LARGE1: variants seen among roughly 807,000 people sequenced by gnomAD.
The protein encoded by LARGE1 is LARGE xylosyl- and glucuronyltransferase 1.
LARGE1 carries 43 observed loss-of-function variants against 87.6 expected under a neutral mutation model. The observed-to-expected ratio is 0.49, with a 90% CI of 0.38 to 0.63. The LOEUF (loss-of-function observed/expected upper bound fraction) is 0.63, where lower values mean the gene tolerates loss of function less well. Among genes scored for constraint, LARGE1 ranks in the 30% least tolerant of loss-of-function variants. The probability of loss-of-function intolerance (pLI) is 0.00; values close to 1 mark genes in which losing one functional copy is unlikely to be tolerated. For missense variants in LARGE1, 802 were observed against 1,000.2 expected, an observed-to-expected ratio of 0.80 and a Z score of 2.67; for synonymous variants, 434 against 394.6, an observed-to-expected ratio of 1.10 and a Z score of -1.18.
chr22:33,210,763 C>T (rs1315702591), intron 11 of LARGE1, among the ~76,000 whole-genome samples: 5 of 152,212 alleles, frequency 3.3e-5, no homozygotes, highest in Non-Finnish European at 5.9e-5. Flanking sequence ...AATGGTGGAC[C>T]TCTCTTCCCT....
chr22:33,713,966 AATAACGTAACATAACGTAAC>A (rs71320989), intron 2 of LARGE1, among the ~76,000 whole-genome samples: 87 of 132,570 alleles, frequency 6.6e-4, no homozygotes, highest in African/African-American at 2.4e-3. Context: ...AGAAAAAGTA[AATAACGTAACATAACGTAAC>A]ATAACATAAC....
chr22:33,579,738 G>C (rs1231891388), intron 5 of LARGE1, among the ~76,000 whole-genome samples: 1 of 152,148 alleles, frequency 6.6e-6, no homozygotes, highest in Non-Finnish European at 1.5e-5. Context: ...GTGGCCCCTA[G>C]CATTGTTTTG....
At chr22:33,525,529 C>G (rs1393403641) in intron 6 of LARGE1, among the ~76,000 whole-genome samples, 1 of 152,162 alleles carries the variant, frequency 6.6e-6, no homozygotes, top group Non-Finnish European at 1.5e-5. Flanking sequence ...GATCTATAAT[C>G]AAGATGCAGG....
chr22:33,890,001 C>G (rs1190980249), intron 1 of LARGE1, among the ~76,000 whole-genome samples: 1 of 152,242 alleles, frequency 6.6e-6, no homozygotes, highest in Admixed American at 6.5e-5. Flanking sequence ...GGTTTCTGCC[C>G]CCCATAAGTG....
intron 9 of LARGE1, among the ~76,000 whole-genome samples, chr22:33,368,748 G>A (rs1013318046): frequency 2.0e-5 from 3 of 152,056 alleles, no homozygotes; most frequent in Non-Finnish European, 4.4e-5. Context: ...ACCACATGAA[G>A]TGAATCACAT....
At chr22:33,312,017 AGATTCTG>A (rs1283546611) in intron 11 of LARGE1, among the ~76,000 whole-genome samples, 1 of 152,208 alleles carries the variant, frequency 6.6e-6, no homozygotes, top group East Asian at 1.9e-4. Context: ...ACAAATATTA[AGATTCTG>A]GTCAACAGTA....
intron 6 of LARGE1, among the ~76,000 whole-genome samples, chr22:33,442,369 A>G (rs551188681): frequency 6.6e-6 from 1 of 152,322 alleles, no homozygotes; most frequent in Non-Finnish European, 1.5e-5. Flanking sequence ...GAGCTTCTCA[A>G]ACGGTCCAGC....
intron 1 of LARGE1, among the ~76,000 whole-genome samples, chr22:33,821,610 G>C (rs1290116869): frequency 6.6e-6 from 1 of 152,128 alleles, no homozygotes. Flanking sequence ...GCCGAGAAGG[G>C]GAACAGAGTG....
intron 7 of LARGE1, among the ~76,000 whole-genome samples, chr22:33,421,576 G>A (rs2066698735): frequency 6.6e-6 from 1 of 152,164 alleles, no homozygotes; most frequent in African/African-American, 2.4e-5. Context: ...TAAAAAACAA[G>A]GTAACTATGC....
exon 12 of LARGE1, chr22:33,165,063 G>A (rs781620795): frequency 1.3e-5 from 2 of 152,164 alleles, no homozygotes; most frequent in Non-Finnish European, 2.9e-5. Context: ...CACTACCTGA[G>A]TGACGGGACC....
intron 4 of LARGE1, among the ~76,000 whole-genome samples, chr22:33,612,515 A>C (rs775280164): frequency 2.0e-5 from 3 of 152,350 alleles, no homozygotes; most frequent in Non-Finnish European, 2.9e-5. Flanking sequence ...CCTGGAACCA[A>C]TCCCCTCTAT....
intron 1 of LARGE1, among the ~76,000 whole-genome samples, chr22:33,828,719 T>C (rs5994800): frequency 0.16 from 24,037 of 152,186 alleles, 2,031 homozygotes; most frequent in Middle Eastern, 0.26. Flanking sequence ...CAATGTTAGC[T>C]TCAGTAAAGA....
intron 1 of LARGE1, among the ~76,000 whole-genome samples, chr22:33,867,223 T>C (rs1441046800): frequency 6.6e-6 from 1 of 152,284 alleles, no homozygotes; most frequent in East Asian, 1.9e-4. Flanking sequence ...TAAATGATCA[T>C]AAAGCAGTCT....
chr22:33,713,353 T>TA (rs1392537597), intron 2 of LARGE1, among the ~76,000 whole-genome samples: 1 of 152,180 alleles, frequency 6.6e-6, no homozygotes, highest in Non-Finnish European at 1.5e-5. Flanking sequence ...AATGTATCCC[T>TA]AAACAGCCTT....
intron 6 of LARGE1, among the ~76,000 whole-genome samples, chr22:33,442,068 C>T (rs574551651): frequency 6.6e-6 from 1 of 152,292 alleles, no homozygotes; most frequent in East Asian, 1.9e-4. Flanking sequence ...CTGTGTCACT[C>T]TTGAAAGAAG....
chr22:33,184,088 C>CCATATATATATA (rs1555880735), intron 11 of LARGE1, among the ~76,000 whole-genome samples: 1 of 105,254 alleles, frequency 9.5e-6, no homozygotes, highest in Non-Finnish European at 2.1e-5. Flanking sequence ...AATCAGTACA[C>CCATATATATATA]TATATATATA....
intron 10 of LARGE1, among the ~76,000 whole-genome samples, chr22:33,323,618 G>A (rs942577083): frequency 6.6e-6 from 1 of 151,984 alleles, no homozygotes; most frequent in African/African-American, 2.4e-5. Flanking sequence ...CCCAGTGCAG[G>A]AAAAAGACGA....
At chr22:33,397,178 C>T (rs1263313828) in intron 7 of LARGE1, among the ~76,000 whole-genome samples, 2 of 152,024 alleles carry the variant, frequency 1.3e-5, no homozygotes, top group Non-Finnish European at 2.9e-5. Flanking sequence ...TACAATGGCT[C>T]GATCTCTTTT....
intron 6 of LARGE1, among the ~76,000 whole-genome samples, chr22:33,452,866 T>C (rs550579244): frequency 6.8e-6 from 1 of 146,476 alleles, no homozygotes; most frequent in African/African-American, 2.8e-5. Context: ...GCTTACAACA[T>C]GCTCATTTCC....
Sources: gnomAD v4.1 joint callset for allele counts (sites outside exome capture counted in the v4.1 genomes callset) on GRCh38, gnomAD v4.1.1 for gene constraint, MANE v1.5 for transcripts, NCBI Gene and HGNC (gene_info 2026-07-23, HGNC 2026-07-21) for gene names.